The following PRKG1 variants were observed in gnomAD, a reference collection of about 807,000 sequenced individuals.
The protein encoded by PRKG1 is protein kinase cGMP-dependent 1.
PRKG1 carries 35 observed loss-of-function variants against 88.1 expected under a neutral mutation model. The observed-to-expected ratio is 0.40, with a 90% CI of 0.30 to 0.53. PRKG1 has a LOEUF of 0.53. PRKG1 is among the 20% of genes least tolerant of loss of function. The pLI is 0.59. For missense variants in PRKG1, 540 were observed against 839.8 expected (o/e 0.64, Z 4.41); for synonymous variants, 303 against 292.5 (o/e 1.04, Z -0.37).
At chr10:52,284,077 A>G (rs190406703) in intron 14 of PRKG1, among the ~76,000 whole-genome samples, 35 of 152,088 alleles carry the variant, frequency 2.3e-4, no homozygotes, top group African/African-American at 7.7e-4. Context: ...ATAATTAATA[A>G]CAGAAAAACC....
Position 51,547,638 on chromosome 10 carries a change from C to T in PRKG1, c.592+79802C>T, listed in dbSNP as rs528868892. Among the ~76,000 whole-genome samples the T allele has an allele frequency of 7.2e-5, 11 of 152,188 alleles. No homozygotes were observed. The East Asian group carries it at 2.1e-3, about 29-fold the overall frequency. Reference sequence around the variant, plus strand: ...ATTTTAATAGTAGTTCCCAGTTATACTTGACGAGTAATGGTCTTTTAAAAA... The same window carrying T: ...ATTTTAATAGTAGTTCCCAGTTATATTTGACGAGTAATGGTCTTTTAAAAA... On this transcript the variant is annotated intron_variant, in intron 3 of 17. Transcript: ENST00000373980.
chr10:51,452,676 T>C (rs1839469635), intron 2 of PRKG1, among the ~76,000 whole-genome samples: 1 of 152,034 alleles, frequency 6.6e-6, no homozygotes, highest in African/African-American at 2.4e-5. Context: ...TTTCATATGC[T>C]GTTGGATTCG....
At chr10:51,895,051 A>C (rs994859199) in intron 4 of PRKG1, among the ~76,000 whole-genome samples, 1 of 152,228 alleles carries the variant, frequency 6.6e-6, no homozygotes, top group Non-Finnish European at 1.5e-5. Flanking sequence ...GAGAAAGTTC[A>C]CAGATTTCTT....
rs576648007 is a variant in PRKG1 at position 51,109,742 on chromosome 10, C to A, written c.311+34841C>A. ...AACAAAAGCACAATCCATAAAAGAG[C>A]AAATTGCTAAATTGAACAGCATCAA... is the stretch of plus-strand genomic sequence containing the variant. On this transcript the variant is annotated intron_variant, in intron 1 of 17. Transcript: ENST00000373980. 1.7e-3 allele frequency among the ~76,000 whole-genome samples: 251 copies of A among 152,070 alleles called. 1 individual carries two copies. Among genetic ancestry groups the A allele is most frequent in the African/African-American group, 5.7e-3 (236 of 41,524 alleles).
At chr10:51,454,719 A>G (rs1461655793) in intron 2 of PRKG1, among the ~76,000 whole-genome samples, 2 of 152,132 alleles carry the variant, frequency 1.3e-5, no homozygotes, top group African/African-American at 4.8e-5. Flanking sequence ...TAACCATAAG[A>G]TCTCATTAAA....
chr10:51,423,206 G>T (rs1222562107), intron 2 of PRKG1, among the ~76,000 whole-genome samples: 1 of 152,104 alleles, frequency 6.6e-6, no homozygotes, highest in Non-Finnish European at 1.5e-5. Context: ...ACACCAGGTT[G>T]ATCAGCATAC....
At chr10:51,011,184 A>T (rs1370144665) in intron 1 of PRKG1, among the ~76,000 whole-genome samples, 1 of 152,010 alleles carries the variant, frequency 6.6e-6, no homozygotes, top group Non-Finnish European at 1.5e-5. Context: ...TTTGGATCAG[A>T]GAATTATTTG....
chr10:51,702,674 C>T (rs1268612967), intron 3 of PRKG1, among the ~76,000 whole-genome samples: 1 of 151,862 alleles, frequency 6.6e-6, no homozygotes, highest in Admixed American at 6.6e-5. Flanking sequence ...TCAGAAACTA[C>T]AAACTTAATC....
intron 2 of PRKG1, among the ~76,000 whole-genome samples, chr10:51,388,906 A>G (rs754247855): frequency 4.6e-5 from 7 of 152,224 alleles, no homozygotes; most frequent in Non-Finnish European, 7.3e-5. Flanking sequence ...ATAAAGACAA[A>G]TTATGAATTC....
chr10:52,120,615 C>G (rs966554548), intron 7 of PRKG1, among the ~76,000 whole-genome samples: 1 of 152,166 alleles, frequency 6.6e-6, no homozygotes, highest in Non-Finnish European at 1.5e-5. Context: ...AAGCCCAAAA[C>G]CCAGTGGGGC....
chr10:50,991,510 G>T lies in PRKG1; in HGVS notation c.132G>T (p.Gln44His). ...TGAAGAGGAAACTCCACAAATGCCA[G>T]TCGGTGCTCCCAGTGCCCTCGACCC... is the stretch of plus-strand genomic sequence containing the variant. Residue 44 changes from glutamine to histidine, a missense_variant, in exon 1 of 18, where the codon CAG (glutamine) becomes CAT (histidine). Physicochemically the swap from Gln to His is conservative, Grantham distance 24 (BLOSUM62 0). Coordinates refer to the PRKG1 transcript ENST00000401604. This position sits in a 1 kb window ranked among gnomAD's most constrained non-coding sequence, Gnocchi z 4.5. 6.2e-7 allele frequency: 1 copy of T among 1,611,820 alleles called. No individual in the cohort carries two copies. Among genetic ancestry groups the T allele is most frequent in the South Asian group, 1.1e-5 (1 of 90,470 alleles).
intron 3 of PRKG1, among the ~76,000 whole-genome samples, chr10:51,711,422 T>C (rs1035109262): frequency 3.3e-5 from 5 of 152,196 alleles, no homozygotes; most frequent in African/African-American, 1.2e-4. Context: ...CTTTTTCATA[T>C]ACAGTCTCCT....
At chr10:51,569,591 G>A (rs2132164778) in intron 3 of PRKG1, among the ~76,000 whole-genome samples, 1 of 152,072 alleles carries the variant, frequency 6.6e-6, no homozygotes, top group South Asian at 2.1e-4. Context: ...TGAGACAGCT[G>A]CTGTTATTTA....
chr10:51,709,770 T>G lies in PRKG1; in HGVS notation c.593-94815T>G, dbSNP rs16921791. ...GGGTAATAGTTGCAGGTCTTCATTC[T>G]TATCAGCAGGACTTCCACAGGGAGG... On this transcript the variant is annotated intron_variant, in intron 3 of 17. Coordinates refer to ENST00000373980, the MANE Select transcript of PRKG1 (RefSeq NM_006258.4). Among the ~76,000 whole-genome samples, 960 of 152,302 alleles carry G rather than the reference T, an allele frequency of 6.3e-3. 9 individuals are homozygous for G. The highest frequency in any genetic ancestry group is 0.022 in the African/African-American group (900 of 41,558).
At chr10:51,554,722 C>T (rs2132136223) in intron 3 of PRKG1, among the ~76,000 whole-genome samples, 1 of 151,794 alleles carries the variant, frequency 6.6e-6, no homozygotes, top group South Asian at 2.1e-4. Context: ...ACATTCCTCA[C>T]TGTGTGCTAG....
intron 5 of PRKG1, chr10:51,908,076 A>C (rs1371775450): frequency 1.3e-5 from 2 of 152,458 alleles, no homozygotes; most frequent in African/African-American, 4.8e-5. Context: ...AACACACATT[A>C]GGCTATCCTT....
chr10:51,163,627 G>C (rs943867236), intron 2 of PRKG1, among the ~76,000 whole-genome samples: 17 of 152,342 alleles, frequency 1.1e-4, no homozygotes, highest in Admixed American at 2.0e-4. Flanking sequence ...GGGTCGGGGA[G>C]TTCCCTTTCC....
At position 51,619,529 on chromosome 10, in the gene PRKG1, A is replaced by G. The variant is rs914077875; in HGVS notation, c.592+151693A>G. The stretch of plus-strand genomic sequence containing the variant: ...AAGACCAATCAAATCAATCAAGTCA[A>G]ACCCTCTCAGTTTGATAGCTGTGGA... On this transcript the variant is annotated intron_variant, in intron 3 of 17. Transcript: ENST00000373980. Among the ~76,000 whole-genome samples the G allele has an allele frequency of 2.6e-5, 4 of 152,312 alleles. No individual in the cohort carries two copies. In the East Asian group the frequency reaches 7.7e-4, roughly 29 times the overall value.
intron 5 of PRKG1, chr10:51,908,733 A>ATCTCTCTATATATATAT (rs60587885): frequency 7.6e-6 from 1 of 131,666 alleles, no homozygotes; most frequent in Non-Finnish European, 1.6e-5. Context: ...ATCTATATGT[A>ATCTCTCTATATATATAT]ATTTTTTTTT....
Sources: allele counts gnomAD v4.1 joint callset (sites outside exome capture counted in the v4.1 genomes callset), GRCh38; gene constraint gnomAD v4.1.1; non-coding constraint Gnocchi (gnomAD v3.1); transcripts MANE v1.5; gene names NCBI Gene and HGNC (gene_info 2026-07-23, HGNC 2026-07-21).